Variants in PHACTR1 observed in about 807,000 individuals in gnomAD.
PHACTR1 encodes the protein phosphatase and actin regulator 1, also known as RPEL repeat containing 1.
PHACTR1 carries 16 observed loss-of-function variants against 69.2 expected under a neutral mutation model. That is an observed-to-expected ratio of 0.23 (90% CI 0.16 to 0.35). PHACTR1 has a LOEUF of 0.35. PHACTR1 is among the 10% of genes least tolerant of loss of function. The pLI is 1.00. For synonymous variants in PHACTR1, 312 were observed against 284.5 expected, an observed-to-expected ratio of 1.10 and a Z score of -0.97; for missense variants, 510 against 734.7, an observed-to-expected ratio of 0.69 and a Z score of 3.54.
At chr6:13,164,420 C>G (rs1300596987) in intron 6 of PHACTR1, among the ~76,000 whole-genome samples, 2 of 152,162 alleles carry the variant, frequency 1.3e-5, no homozygotes, top group Non-Finnish European at 2.9e-5. Context: ...GCACATGACT[C>G]TAGCTAGTTA....
chr6:12,989,206 C>G (rs757543925), intron 4 of PHACTR1, among the ~76,000 whole-genome samples: 4 of 152,184 alleles, frequency 2.6e-5, no homozygotes, highest in Non-Finnish European at 4.4e-5. Flanking sequence ...CCAAACATCA[C>G]TGCTATTCAT....
intron 10 of PHACTR1, among the ~76,000 whole-genome samples, chr6:13,234,492 A>G (rs1252598200): frequency 6.6e-6 from 1 of 152,160 alleles, no homozygotes; most frequent in African/African-American, 2.4e-5. Flanking sequence ...TAGAAAACAT[A>G]ATTTTAGCCT....
chr6:12,888,295 T>G (rs1255275008), intron 4 of PHACTR1, among the ~76,000 whole-genome samples: 2 of 152,236 alleles, frequency 1.3e-5, no homozygotes, highest in African/African-American at 4.8e-5. Context: ...TGGTGCCATC[T>G]ATTAGGAATG....
intron 4 of PHACTR1, among the ~76,000 whole-genome samples, chr6:12,868,876 T>C (rs115059904): frequency 6.6e-6 from 1 of 152,154 alleles, no homozygotes; most frequent in African/African-American, 2.4e-5. Context: ...CAGGAAAATA[T>C]AAGAACCTCA....
intron 4 of PHACTR1, among the ~76,000 whole-genome samples, chr6:12,927,104 G>T (rs2127522605): frequency 6.6e-6 from 1 of 152,336 alleles, no homozygotes; most frequent in Admixed American, 6.5e-5. Flanking sequence ...ATCACCCTGG[G>T]TCATCATGTG....
chr6:13,041,819 G>T (rs373422293), intron 4 of PHACTR1, among the ~76,000 whole-genome samples: 1 of 152,304 alleles, frequency 6.6e-6, no homozygotes, highest in East Asian at 1.9e-4. Context: ...CACAGGAAAA[G>T]ATGTGTGATG....
At chr6:13,159,900 A>G (rs1758732824) in intron 5 of PHACTR1, among the ~76,000 whole-genome samples, 1 of 152,158 alleles carries the variant, frequency 6.6e-6, no homozygotes, top group Admixed American at 6.5e-5. Context: ...AGATCGCGCC[A>G]CTGTACTCCA....
At chr6:12,848,285 A>G (rs1224382392) in intron 4 of PHACTR1, among the ~76,000 whole-genome samples, 3 of 152,196 alleles carry the variant, frequency 2.0e-5, no homozygotes, top group Non-Finnish European at 4.4e-5. Context: ...AGATTTGTCC[A>G]TTTTCTCTGA....
At chr6:12,898,835 C>T (rs1362843960) in intron 4 of PHACTR1, among the ~76,000 whole-genome samples, 1 of 152,168 alleles carries the variant, frequency 6.6e-6, no homozygotes, top group African/African-American at 2.4e-5. Flanking sequence ...TGCCTTCCAC[C>T]CTTCTATGTG....
intron 4 of PHACTR1, among the ~76,000 whole-genome samples, chr6:12,982,419 G>A (rs747633801): frequency 1.3e-5 from 2 of 152,210 alleles, no homozygotes; most frequent in Admixed American, 6.5e-5. Context: ...GGTGGCTCAC[G>A]CCTGTAATCC....
At chr6:12,732,684 C>G (rs1328540923) in intron 3 of PHACTR1, among the ~76,000 whole-genome samples, 4 of 152,178 alleles carry the variant, frequency 2.6e-5, no homozygotes, top group African/African-American at 9.7e-5. Context: ...GTGTAGTATT[C>G]CATGGCACAC....
chr6:12,978,655 A>G (rs1795164698), intron 4 of PHACTR1, among the ~76,000 whole-genome samples: 1 of 152,186 alleles, frequency 6.6e-6, no homozygotes. Flanking sequence ...AAGCTTGACA[A>G]TAGTCACGTA....
chr6:13,116,572 G>A (rs1441495885), intron 5 of PHACTR1, among the ~76,000 whole-genome samples: 1 of 152,168 alleles, frequency 6.6e-6, no homozygotes, highest in East Asian at 1.9e-4. Context: ...GGCTGTGTGA[G>A]GCTCTTCTGG....
At chr6:13,147,044 A>G (rs1823474849) in intron 5 of PHACTR1, among the ~76,000 whole-genome samples, 1 of 152,222 alleles carries the variant, frequency 6.6e-6, no homozygotes, top group South Asian at 2.1e-4. Context: ...CCTGTTTCAC[A>G]TTTAATGAAA....
At chr6:13,053,597 A>T in intron 5 of PHACTR1, 68 bp downstream of exon 5, 1 of 1,523,290 alleles carries the variant, frequency 6.6e-7, no homozygotes. Context: ...TCTTAACAGA[A>T]TTTAATTGCA....
chr6:13,260,599 T>C (rs138839769), intron 10 of PHACTR1, among the ~76,000 whole-genome samples: 39 of 152,138 alleles, frequency 2.6e-4, no homozygotes, highest in African/African-American at 8.4e-4. Context: ...ATGAAAAAGC[T>C]GAGGCTTAGA....
chr6:13,209,338 G>A (rs984179640), intron 8 of PHACTR1, among the ~76,000 whole-genome samples: 1 of 152,114 alleles, frequency 6.6e-6, no homozygotes, highest in African/African-American at 2.4e-5. Context: ...GTTTTATACA[G>A]AAAGAAAGAA....
intron 4 of PHACTR1, among the ~76,000 whole-genome samples, chr6:12,781,910 G>A (rs567801539): frequency 1.3e-5 from 2 of 152,190 alleles, no homozygotes; most frequent in African/African-American, 4.8e-5. Context: ...AAGAAGCTGG[G>A]AACGTGATGT....
intron 5 of PHACTR1, among the ~76,000 whole-genome samples, chr6:13,118,395 C>T (rs893176473): frequency 1.3e-5 from 2 of 152,010 alleles, no homozygotes; most frequent in African/African-American, 4.8e-5. Context: ...TACCCAAGTC[C>T]TGCTGTCTTA....
Sources: allele counts gnomAD v4.1 joint callset (sites outside exome capture counted in the v4.1 genomes callset), GRCh38; gene constraint gnomAD v4.1.1; transcripts MANE v1.5; gene names NCBI Gene and HGNC (gene_info 2026-07-23, HGNC 2026-07-21).